The following NR3C2 variants were observed in gnomAD, a reference collection of about 807,000 sequenced individuals.
The protein encoded by NR3C2 is mineralocorticoid receptor.
Under a neutral mutation model 86.4 loss-of-function variants are expected in NR3C2, and 15 were observed. The observed-to-expected ratio is 0.17, with a 90% confidence interval of 0.12 to 0.27. The LOEUF (loss-of-function observed/expected upper bound fraction) is 0.27, where lower values mean the gene tolerates loss of function less well. Ranked by LOEUF, NR3C2 falls within the 10% of genes least tolerant of loss-of-function variation. The pLI is 1.00. For missense variants in NR3C2, 960 were observed against 1,195.6 expected, an observed-to-expected ratio of 0.80 and a Z score of 2.91; for synonymous variants, 458 against 450.5, an observed-to-expected ratio of 1.02 and a Z score of -0.21.
chr4:148,232,425 A>G (rs1738513771), intron 3 of NR3C2, among the ~76,000 whole-genome samples: 1 of 152,186 alleles, frequency 6.6e-6, no homozygotes, highest in East Asian at 1.9e-4. Flanking sequence ...ATTTTGAAAA[A>G]TATCTTTTTG....
chr4:148,310,089 AT>A (rs1742834978), intron 2 of NR3C2, among the ~76,000 whole-genome samples: 1 of 152,218 alleles, frequency 6.6e-6, no homozygotes, highest in African/African-American at 2.4e-5. Context: ...AATAACTAGA[AT>A]TATTTTTACA....
intron 2 of NR3C2, among the ~76,000 whole-genome samples, chr4:148,421,841 G>A (rs1749297692): frequency 6.6e-6 from 1 of 152,090 alleles, no homozygotes; most frequent in Non-Finnish European, 1.5e-5. Context: ...CCATTCTCAG[G>A]TACTGGCAAC....
intron 6 of NR3C2, among the ~76,000 whole-genome samples, chr4:148,142,472 T>C (rs565737642): frequency 2.2e-4 from 34 of 152,172 alleles, no homozygotes; most frequent in South Asian, 1.2e-3. Flanking sequence ...TGGGAGGTGA[T>C]TGGATCTCAG....
At chr4:148,086,645 G>C (rs992247537) in intron 8 of NR3C2, among the ~76,000 whole-genome samples, 1 of 152,188 alleles carries the variant, frequency 6.6e-6, no homozygotes, top group African/African-American at 2.4e-5. Context: ...AGGAGGCAGA[G>C]GCAGGAGAAT....
In NR3C2 at chr4:148,179,716, GAA is replaced by G. The variant is rs560765217; in HGVS notation, c.2014+15028_2014+15029del. On this transcript the variant is annotated intron_variant, in intron 4 of 8. Coordinates refer to ENST00000358102, the MANE Select transcript of NR3C2 (RefSeq NM_000901.5). ...TAATCACAAGAGTTAAAATTTAAAA[GAA>G]AAAAAGTCTTTAAAAGAGATACAGC... 6.6e-5 allele frequency among the ~76,000 whole-genome samples: 10 copies of G among 151,386 alleles called. 1 individual carries two copies. The highest frequency in any genetic ancestry group is 2.0e-4 in the Admixed American group (3 of 15,242).
intron 6 of NR3C2, among the ~76,000 whole-genome samples, chr4:148,140,687 T>C (rs72653803): frequency 2.3e-4 from 35 of 152,328 alleles, no homozygotes; most frequent in African/African-American, 8.2e-4. Flanking sequence ...GAAGATAATA[T>C]ATGATCTTAA....
chr4:148,086,779 A>G (rs1162763526), intron 8 of NR3C2, among the ~76,000 whole-genome samples: 2 of 152,124 alleles, frequency 1.3e-5, no homozygotes, highest in Non-Finnish European at 2.9e-5. Flanking sequence ...TTGATGGAAC[A>G]TATCTCAAAA....
Position 148,269,536 on chromosome 4 carries a change from G to A in NR3C2, c.1758-9419C>T, listed in dbSNP as rs572400111. Among the ~76,000 whole-genome samples, 4 of 152,112 alleles carry A rather than the reference G, an allele frequency of 2.6e-5. No individual in the cohort carries two copies. The South Asian group carries it at 6.2e-4, about 24-fold the overall frequency. ...TGAGCATATACAGAATCTCTAAAAA[G>A]ATCTAACATCAAATCATCTCTAGAA... is the stretch of plus-strand genomic sequence containing the variant. On this transcript the variant is annotated intron_variant, in intron 2 of 8. Transcript: ENST00000358102.
chr4:148,135,903 A>C (rs1291441350), intron 6 of NR3C2, among the ~76,000 whole-genome samples: 1 of 146,048 alleles, frequency 6.8e-6, no homozygotes, highest in East Asian at 2.1e-4. Context: ...TAAAAATACA[A>C]AAAATTAGCC....
At chr4:148,230,157 G>A (rs556494347) in intron 3 of NR3C2, among the ~76,000 whole-genome samples, 5 of 152,020 alleles carry the variant, frequency 3.3e-5, no homozygotes, top group Non-Finnish European at 5.9e-5. Context: ...GCACTTACAG[G>A]GGAGAACAGA....
At chr4:148,357,197 A>G (rs1745590119) in intron 2 of NR3C2, among the ~76,000 whole-genome samples, 1 of 152,184 alleles carries the variant, frequency 6.6e-6, no homozygotes, top group South Asian at 2.1e-4. Flanking sequence ...ATACTTTTGA[A>G]TCAAAAAATA....
intron 3 of NR3C2, among the ~76,000 whole-genome samples, chr4:148,242,386 T>C (rs1267197592): frequency 6.6e-6 from 1 of 152,170 alleles, no homozygotes; most frequent in African/African-American, 2.4e-5. Context: ...TTAAAATAAT[T>C]TGACTCAGAA....
At position 148,336,459 on chromosome 4, in the gene NR3C2, C is replaced by T. The variant is rs555626658; in HGVS notation, c.1758-76342G>A. ...TTCAGCTAAATTGGTATGATTTAGCCGAACTTGGATAAATGGGAACTTGGA... is the reference window on the plus strand; with the variant it reads ...TTCAGCTAAATTGGTATGATTTAGCTGAACTTGGATAAATGGGAACTTGGA... On this transcript the variant is annotated intron_variant, in intron 2 of 8. Coordinates refer to ENST00000358102, the MANE Select transcript of NR3C2 (RefSeq NM_000901.5). 3.9e-5 allele frequency among the ~76,000 whole-genome samples: 6 copies of T among 152,134 alleles called. No individual in the cohort carries two copies. In the East Asian group the frequency reaches 1.2e-3, roughly 29 times the overall value.
chr4:148,310,869 C>G (rs1275043196), intron 2 of NR3C2, among the ~76,000 whole-genome samples: 3 of 152,180 alleles, frequency 2.0e-5, no homozygotes, highest in Non-Finnish European at 4.4e-5. Context: ...TGCTCCCTGT[C>G]TCCAGTTTCT....
At chr4:148,322,023 T>C (rs1362549830) in intron 2 of NR3C2, among the ~76,000 whole-genome samples, 1 of 152,216 alleles carries the variant, frequency 6.6e-6, no homozygotes, top group African/African-American at 2.4e-5. Context: ...GTACTGGTTG[T>C]TCCTTTCCAT....
chr4:148,181,822 G>A (rs1031693361), intron 4 of NR3C2, among the ~76,000 whole-genome samples: 4 of 152,162 alleles, frequency 2.6e-5, no homozygotes, highest in African/African-American at 9.7e-5. Context: ...GGATTTTAAG[G>A]AAAAAGAATA....
At chr4:148,140,670 G>A (rs1733564399) in intron 6 of NR3C2, among the ~76,000 whole-genome samples, 1 of 152,156 alleles carries the variant, frequency 6.6e-6, no homozygotes, top group South Asian at 2.1e-4. Flanking sequence ...GCCACACTAA[G>A]CCTTTTGAAG....
At chr4:148,119,081 C>A (rs759112921) in intron 7 of NR3C2, among the ~76,000 whole-genome samples, 10 of 152,158 alleles carry the variant, frequency 6.6e-5, no homozygotes, top group Non-Finnish European at 1.3e-4. Context: ...AAGCCTTCAG[C>A]ATTGCCCTCT....
intron 6 of NR3C2, among the ~76,000 whole-genome samples, chr4:148,146,314 C>G (rs1450022955): frequency 6.6e-6 from 1 of 152,154 alleles, no homozygotes; most frequent in African/African-American, 2.4e-5. Context: ...CGCCATACCT[C>G]CAACCACCCC....
Sources: gnomAD v4.1 joint callset for allele counts (sites outside exome capture counted in the v4.1 genomes callset) on GRCh38, gnomAD v4.1.1 for gene constraint, MANE v1.5 for transcripts, NCBI Gene and HGNC (gene_info 2026-07-23, HGNC 2026-07-21) for gene names.